The following PCDHA4 variants were observed in gnomAD, a reference collection of about 807,000 sequenced individuals.
The protein encoded by PCDHA4 is protocadherin alpha-4.
A neutral mutation model predicts 61.4 loss-of-function variants in PCDHA4; 49 were observed. The ratio of observed to expected loss-of-function variants is 0.80; its 90% CI spans 0.63 to 1.01. The LOEUF (loss-of-function observed/expected upper bound fraction) is 1.01. Ranked by LOEUF, PCDHA4 falls within the 50% of genes least tolerant of loss-of-function variation. The pLI is 0.00. For missense variants in PCDHA4, 1,254 were observed against 1,235.8 expected (o/e 1.01, Z -0.22); for synonymous variants, 590 against 550.3 (o/e 1.07, Z -1.01).
chr5:140,965,283 A>G (rs1342044804), intron 1 of PCDHA4, among the ~76,000 whole-genome samples: 1 of 152,200 alleles, frequency 6.6e-6, no homozygotes, highest in Non-Finnish European at 1.5e-5. Context: ...CACAGCATGG[A>G]AAGATTTCCT....
Position 140,807,967 on chromosome 5 carries a change from G to A in PCDHA4, c.780G>A (p.Leu260=). The change falls in exon 1 of 4, where the codon TTG becomes TTA. Residue 260 remains leucine, a synonymous_variant. Coordinates refer to ENST00000530339, the MANE Select transcript of PCDHA4 (RefSeq NM_018907.4). ...RLLENVPNGT[L]VIKLNASDLD... is the part of the protein sequence containing the mutation. The stretch of plus-strand genomic sequence containing the variant: ...TAGAAAATGTTCCTAATGGAACATT[G>A]GTAATTAAACTTAACGCCTCAGATT... The A allele has an allele frequency of 6.2e-7, 1 of 1,612,546 alleles. No individual in the cohort carries two copies. The highest frequency in any genetic ancestry group is 8.5e-7 in the Non-Finnish European group (1 of 1,178,654).
rs781995177 is a variant in PCDHA4 at position 140,857,719 on chromosome 5, G to T, written c.2385+48147G>T. 3.8e-6 allele frequency: 6 copies of T among 1,597,526 alleles called. No homozygotes were observed. The South Asian group carries it at 5.5e-5, about 15-fold the overall frequency. The stretch of plus-strand genomic sequence containing the variant: ...CGCTGCAGGTGTTCGTGCTGGACGA[G>T]AACGACAACGCTCCCGCGCTGCTGG... On this transcript the variant is annotated intron_variant, in intron 1 of 3. Transcript: ENST00000530339.
intron 1 of PCDHA4, among the ~76,000 whole-genome samples, chr5:140,818,240 C>G (rs1292675833): frequency 1.3e-5 from 2 of 152,008 alleles, no homozygotes; most frequent in Non-Finnish European, 2.9e-5. Context: ...CTTTTATGTG[C>G]CATTTCTGTT....
chr5:140,887,802 T>A (rs2061588161), intron 1 of PCDHA4, among the ~76,000 whole-genome samples: 1 of 152,198 alleles, frequency 6.6e-6, no homozygotes, highest in Non-Finnish European at 1.5e-5. Context: ...TTTATTTTTG[T>A]CCATTTCTTT....
intron 1 of PCDHA4, among the ~76,000 whole-genome samples, chr5:140,976,409 G>C (rs1208759254): frequency 6.6e-6 from 1 of 152,064 alleles, no homozygotes; most frequent in African/African-American, 2.4e-5. Flanking sequence ...AAATTAGCCA[G>C]GTACGGTGGC....
chr5:140,877,236 C>T, intron 1 of PCDHA4: 8 of 1,613,686 alleles, frequency 5.0e-6, no homozygotes, highest in Non-Finnish European at 6.8e-6. Context: ...TGGGTGCGGG[C>T]CACGTGGTGG....
At position 140,857,609 on chromosome 5, in the gene PCDHA4, C is replaced by T; in HGVS notation, c.2385+48037C>T. 1.3e-6 allele frequency: 2 copies of T among 1,596,206 alleles called. 1 individual carries two copies. Among genetic ancestry groups the T allele is most frequent in the African/African-American group, 2.7e-5 (2 of 74,262 alleles). ...GAGCGGCAAGGTGTACGCGCTGCAG[C>T]CGCTGGACCACGAGGAGCTGGAGCT... is the stretch of plus-strand genomic sequence containing the variant. On this transcript the variant is annotated intron_variant, in intron 1 of 3. Transcript: ENST00000530339.
intron 1 of PCDHA4, chr5:140,850,381 G>C (rs2041568642): frequency 2.5e-6 from 4 of 1,597,894 alleles, no homozygotes; most frequent in Non-Finnish European, 3.4e-6. Flanking sequence ...CTGTACACGG[G>C]CGAGATCAGC....
intron 1 of PCDHA4, chr5:140,831,149 C>A (rs2150192022): frequency 6.6e-6 from 1 of 152,098 alleles, no homozygotes; most frequent in Non-Finnish European, 1.5e-5. Flanking sequence ...TATTTACTAC[C>A]GATCTAAATA....
Position 141,009,541 on chromosome 5 carries a change from A to G in PCDHA4, c.2534-86A>G. 8 of 1,530,282 alleles carry G rather than the reference A, an allele frequency of 5.2e-6. No homozygotes were observed. The South Asian group carries it at 6.6e-5, about 13-fold the overall frequency. 94.8% of individuals were successfully genotyped at this position (1,530,282 alleles called of 1,614,324 possible). Reference sequence around the variant, plus strand: ...TTTTCTGGGGAGGTTCAGCCTGCCTATGCAGTACTCCTGTACTCTACCAGC... The same window carrying G: ...TTTTCTGGGGAGGTTCAGCCTGCCTGTGCAGTACTCCTGTACTCTACCAGC... On this transcript the variant is annotated intron_variant, in intron 3 of 3. Coordinates refer to ENST00000530339, the MANE Select transcript of PCDHA4 (RefSeq NM_018907.4).
At chr5:140,882,909 C>A in intron 1 of PCDHA4, 2 of 1,614,172 alleles carry the variant, frequency 1.2e-6, no homozygotes, top group Non-Finnish European at 1.7e-6. Context: ...TTACTGACAG[C>A]CAGTGATGGA....
At chr5:140,917,325 G>A (rs2078036694) in intron 1 of PCDHA4, among the ~76,000 whole-genome samples, 2 of 131,364 alleles carry the variant, frequency 1.5e-5, no homozygotes, top group East Asian at 2.1e-4. Context: ...TTCATGTGGC[G>A]GGGGAGGGGG....
At chr5:140,849,952 A>G (rs1413987636) in intron 1 of PCDHA4, 1 of 1,597,826 alleles carries the variant, frequency 6.3e-7, no homozygotes, top group Non-Finnish European at 8.6e-7. Context: ...GACGCGCAGG[A>G]GAACGCCCTG....
chr5:140,822,739 A>G (rs1165429866), intron 1 of PCDHA4: 8 of 1,613,518 alleles, frequency 5.0e-6, no homozygotes, highest in African/African-American at 1.3e-5. Flanking sequence ...TATTGATGCC[A>G]TGGATAAAAG....
At chr5:140,853,601 AG>A in intron 1 of PCDHA4, 1 of 987,492 alleles carries the variant, frequency 1.0e-6, no homozygotes, top group Non-Finnish European at 1.2e-6. Context: ...TTGAGAGCAA[AG>A]GGGGTGCTGT....
At chr5:140,836,251 G>T (rs1183967538) in intron 1 of PCDHA4, 39 of 1,613,668 alleles carry the variant, frequency 2.4e-5, no homozygotes, top group Middle Eastern at 3.3e-4. Context: ...ATCCCGTTCC[G>T]CGTGGGGCTG....
chr5:140,881,409 A>G (rs2153379419), intron 1 of PCDHA4: 1 of 950,550 alleles, frequency 1.1e-6, no homozygotes, highest in East Asian at 1.2e-4. Context: ...TTAAATCAAT[A>G]GGATATTAGT....
intron 1 of PCDHA4, among the ~76,000 whole-genome samples, chr5:140,971,967 A>C (rs2096509788): frequency 6.6e-6 from 1 of 152,118 alleles, no homozygotes; most frequent in Non-Finnish European, 1.5e-5. Flanking sequence ...ACTTTTTTTC[A>C]ATACTATGAG....
chr5:140,898,808 C>T (rs1318586303), intron 1 of PCDHA4, among the ~76,000 whole-genome samples: 2 of 152,188 alleles, frequency 1.3e-5, no homozygotes, highest in Non-Finnish European at 2.9e-5. Context: ...GATACTGATT[C>T]TTCCTACCCA....
Sources: allele counts gnomAD v4.1 joint callset (sites outside exome capture counted in the v4.1 genomes callset), GRCh38; gene constraint gnomAD v4.1.1; transcripts MANE v1.5; gene names NCBI Gene and HGNC (gene_info 2026-07-23, HGNC 2026-07-21).